Variants in SUMF1 observed in about 807,000 individuals in gnomAD.
SUMF1 encodes sulfatase modifying factor 1.
Under a neutral mutation model 47.6 loss-of-function variants are expected in SUMF1, and 48 were observed. The observed-to-expected ratio is 1.01, with a 90% CI of 0.80 to 1.28. SUMF1 has a LOEUF of 1.28. SUMF1 is among the 50% of genes most tolerant of loss of function. SUMF1 has a pLI of 0.00. For missense variants in SUMF1, 571 were observed against 485.4 expected (o/e 1.18, Z -1.66); for synonymous variants, 230 against 192.1 (o/e 1.20, Z -1.63).
At position 4,418,060 on chromosome 3, in the gene SUMF1, C is replaced by T. The variant is rs774764639; in HGVS notation, c.675G>A (p.Leu225=). 6.2e-6 allele frequency: 10 copies of T among 1,614,074 alleles called. No individual in the cohort carries two copies. The South Asian group carries it at 9.9e-5, about 16-fold the overall frequency. Residue 225 remains leucine, a synonymous_variant, in exon 5 of 9, where the codon CTG becomes CTA. Coordinates refer to ENST00000272902, the MANE Select transcript of SUMF1 (RefSeq NM_182760.4). ...TGTATTCCCACTCAGCTTCCGTGGG[C>T]AGCCGCTTCCCTGCCCAAGTGCAGT... ...VAYCTWAGKR[L]PTEAEWEYSC... is the part of the protein sequence containing the mutation.
intron 8 of SUMF1, among the ~76,000 whole-genome samples, chr3:4,217,007 T>C (rs1313077339): frequency 6.6e-6 from 1 of 152,176 alleles, no homozygotes; most frequent in Non-Finnish European, 1.5e-5. Flanking sequence ...AGCAATCCCA[T>C]TACTGGGAAT....
rs1242569478 is a variant in SUMF1, at chr3:4,256,727, A to G, written c.1014+119603T>C. On this transcript the variant is annotated intron_variant and NMD_transcript_variant, in intron 8 of 12. Coordinates refer to the SUMF1 transcript ENST00000448413. ...TACCATTCCTTCTGAAACTATTCCAATCAATAGAGGGAATCCTCCCTAACT... is the reference window on the plus strand; with the variant it reads ...TACCATTCCTTCTGAAACTATTCCAGTCAATAGAGGGAATCCTCCCTAACT... 3.9e-5 allele frequency among the ~76,000 whole-genome samples: 6 copies of G among 152,204 alleles called. No homozygotes were observed. In the East Asian group the frequency reaches 7.7e-4, roughly 20 times the overall value.
At chr3:4,113,286 T>C (rs745849891) in intron 8 of SUMF1, among the ~76,000 whole-genome samples, 2 of 152,098 alleles carry the variant, frequency 1.3e-5, no homozygotes, top group Admixed American at 6.5e-5. Context: ...CTCAATACTT[T>C]GGGAGGCCAA....
chr3:4,291,910 C>G (rs921060024), intron 8 of SUMF1, among the ~76,000 whole-genome samples: 1 of 152,202 alleles, frequency 6.6e-6, no homozygotes, highest in Non-Finnish European at 1.5e-5. Flanking sequence ...CTGTGAGCTT[C>G]TCTTCCTCTC....
At chr3:4,319,035 G>T (rs1172671572) in intron 8 of SUMF1, among the ~76,000 whole-genome samples, 3 of 152,168 alleles carry the variant, frequency 2.0e-5, no homozygotes, top group African/African-American at 4.8e-5. Context: ...TGTCATCAGG[G>T]AATTGCAATT....
Position 4,453,005 on chromosome 3 carries a change from A to C in SUMF1, c.315T>G (p.Asp105Glu). The change falls in exon 2 of 9, where the codon GAT (aspartate) becomes GAG (glutamate). Residue 105 changes from aspartate to glutamate, a missense_variant. Physicochemically the swap from Asp to Glu is conservative, Grantham distance 45. Coordinates refer to ENST00000272902, the MANE Select transcript of SUMF1 (RefSeq NM_182760.4). ...CTTCCCCATCCTGCTTTATCTGAGGATCATCTGTGCCCATTGTAAATACTC... is the reference window on the plus strand; with the variant it reads ...CTTCCCCATCCTGCTTTATCTGAGGCTCATCTGTGCCCATTGTAAATACTC... ...PAGVFTMGTDDPQIKQDGEAP... is the reference protein window; with the variant it reads ...PAGVFTMGTDEPQIKQDGEAP... The C allele has an allele frequency of 6.2e-7, 1 of 1,614,102 alleles. No homozygotes were observed. The highest frequency in any genetic ancestry group is 8.5e-7 in the Non-Finnish European group (1 of 1,180,036).
At chr3:4,091,403 A>G (rs1692784168) in intron 8 of SUMF1, among the ~76,000 whole-genome samples, 1 of 152,116 alleles carries the variant, frequency 6.6e-6, no homozygotes, top group Non-Finnish European at 1.5e-5. Flanking sequence ...ATATTTGTGT[A>G]TATGTGCATG....
At chr3:4,292,490 A>G (rs1337144526) in intron 8 of SUMF1, among the ~76,000 whole-genome samples, 3 of 152,234 alleles carry the variant, frequency 2.0e-5, no homozygotes, top group Admixed American at 6.5e-5. Context: ...CTATAAGATG[A>G]GGCAATATAT....
intron 8 of SUMF1, among the ~76,000 whole-genome samples, chr3:4,257,780 C>T (rs942247347): frequency 1.3e-5 from 2 of 151,970 alleles, no homozygotes; most frequent in African/African-American, 4.8e-5. Flanking sequence ...TCATACGGAA[C>T]CAAAAAAGAG....
chr3:4,272,456 C>G (rs1697324101), intron 8 of SUMF1, among the ~76,000 whole-genome samples: 1 of 152,148 alleles, frequency 6.6e-6, no homozygotes, highest in Non-Finnish European at 1.5e-5. Flanking sequence ...GTCCATGGCC[C>G]TGGACAAGGA....
chr3:4,041,255 A>G (rs1162424364), intron 9 of SUMF1, among the ~76,000 whole-genome samples: 1 of 152,128 alleles, frequency 6.6e-6, no homozygotes, highest in Non-Finnish European at 1.5e-5. Flanking sequence ...TATTTTTACT[A>G]GAGATAGGCT....
chr3:4,174,811 A>G (rs1694922198), intron 8 of SUMF1, among the ~76,000 whole-genome samples: 1 of 152,168 alleles, frequency 6.6e-6, no homozygotes, highest in South Asian at 2.1e-4. Flanking sequence ...CTACCTGGAA[A>G]AAAGGGACAC....
intron 8 of SUMF1, among the ~76,000 whole-genome samples, chr3:4,121,995 T>G (rs893548100): frequency 6.6e-6 from 1 of 152,196 alleles, no homozygotes; most frequent in Admixed American, 6.5e-5. Flanking sequence ...GTTAATTTGT[T>G]AAAAATAATG....
At chr3:4,117,025 T>C (rs1223966650) in intron 8 of SUMF1, among the ~76,000 whole-genome samples, 1 of 152,152 alleles carries the variant, frequency 6.6e-6, no homozygotes, top group Non-Finnish European at 1.5e-5. Flanking sequence ...TCTACAGTCA[T>C]TAAAGACAAT....
At chr3:4,434,521 A>C (rs1051010059) in intron 3 of SUMF1, among the ~76,000 whole-genome samples, 3 of 152,236 alleles carry the variant, frequency 2.0e-5, no homozygotes, top group African/African-American at 7.2e-5. Context: ...TATCAAGCAA[A>C]GAGATAGTCC....
intron 8 of SUMF1, among the ~76,000 whole-genome samples, chr3:4,217,281 AC>A (rs1213302718): frequency 1.3e-5 from 2 of 150,392 alleles, no homozygotes; most frequent in African/African-American, 4.9e-5. Flanking sequence ...ACCAAACACC[AC>A]ATGTTCTCAC....
chr3:4,433,886 A>C (rs981301879), intron 3 of SUMF1, among the ~76,000 whole-genome samples: 1 of 152,236 alleles, frequency 6.6e-6, no homozygotes, highest in Non-Finnish European at 1.5e-5. Context: ...AACAGACCTC[A>C]AGAAGGCATG....
chr3:4,442,127 A>C (rs983873040), intron 3 of SUMF1, among the ~76,000 whole-genome samples: 2 of 152,246 alleles, frequency 1.3e-5, no homozygotes, highest in Admixed American at 6.5e-5. Context: ...ATTACTGGAA[A>C]GCATGGAGGG....
At chr3:4,446,935 G>A (rs566858520) in intron 3 of SUMF1, among the ~76,000 whole-genome samples, 1 of 152,298 alleles carries the variant, frequency 6.6e-6, no homozygotes, top group African/African-American at 2.4e-5. Context: ...AACTTTGCAT[G>A]TACACCTGGG....
Sources: gnomAD v4.1 joint callset for allele counts (sites outside exome capture counted in the v4.1 genomes callset) on GRCh38, gnomAD v4.1.1 for gene constraint, MANE v1.5 for transcripts, NCBI Gene and HGNC (gene_info 2026-07-23, HGNC 2026-07-21) for gene names.